The following RTL9 variants were observed in gnomAD, a reference collection of about 807,000 sequenced individuals.
RTL9 encodes the protein retrotransposon Gag like 9.
RTL9 carries 19 observed loss-of-function variants against 44.7 expected under a neutral mutation model. The observed-to-expected ratio is 0.42, with a 90% CI of 0.30 to 0.62. RTL9 has a LOEUF of 0.62. RTL9 is among the 20% of genes least tolerant of loss of function. RTL9 has a pLI of 0.16. For missense variants in RTL9, 1,105 were observed against 1,080.6 expected (o/e 1.02, Z -0.32); for synonymous variants, 407 against 398.9 (o/e 1.02, Z -0.24).
intron 1 of RTL9, among the ~76,000 whole-genome samples, chrX:110,432,755 C>G (rs766977507): frequency 8.9e-6 from 1 of 112,359 alleles, no homozygotes; most frequent in South Asian, 3.7e-4. Context: ...CAAGTCCCTG[C>G]TCTCTCTTTC....
chrX:110,372,254 G>A (rs183995696), intron 1 of RTL9, among the ~76,000 whole-genome samples: 23 of 112,537 alleles, frequency 2.0e-4, no homozygotes, highest in Admixed American at 1.7e-3. Flanking sequence ...TAAAATCAAG[G>A]AAGGAGGATA....
chrX:110,407,281 C>T (rs1454528389), intron 1 of RTL9, among the ~76,000 whole-genome samples: 1 of 111,845 alleles, frequency 8.9e-6, no homozygotes, highest in East Asian at 2.8e-4. Context: ...TGAAGAGAGT[C>T]CTTGAGATTT....
intron 1 of RTL9, among the ~76,000 whole-genome samples, chrX:110,437,771 C>T (rs371346407): frequency 9.0e-6 from 1 of 111,511 alleles, no homozygotes; most frequent in Non-Finnish European, 1.9e-5. Context: ...GACCTACTCT[C>T]TCTGGGCTGA....
exon 1 of RTL9, chrX:110,452,930 A>G (rs2068954480): frequency 5.8e-6 from 7 of 1,211,878 alleles, no homozygotes; most frequent in Non-Finnish European, 7.8e-6. Flanking sequence ...CCACACCACT[A>G]ATGAGAACCT....
chrX:110,393,706 G>C (rs767607258), intron 1 of RTL9, among the ~76,000 whole-genome samples: 2 of 111,991 alleles, frequency 1.8e-5, no homozygotes, highest in Non-Finnish European at 3.8e-5. Context: ...ACATTGTTTT[G>C]TTCAAAGCCA....
At chrX:110,392,787 A>C (rs1220676032) in intron 1 of RTL9, among the ~76,000 whole-genome samples, 1 of 112,143 alleles carries the variant, frequency 8.9e-6, no homozygotes, top group Admixed American at 9.4e-5. Context: ...TTGATCATTT[A>C]CACCCTTTAG....
chrX:110,405,093 C>A (rs772955322), intron 1 of RTL9, among the ~76,000 whole-genome samples: 3 of 99,441 alleles, frequency 3.0e-5, no homozygotes, highest in East Asian at 6.7e-4. Flanking sequence ...TTGTGTCCCC[C>A]CCCCCCCCAA....
At chrX:110,384,147 T>C (rs2068438942) in intron 1 of RTL9, among the ~76,000 whole-genome samples, 1 of 111,753 alleles carries the variant, frequency 8.9e-6, no homozygotes, top group African/African-American at 3.3e-5. Flanking sequence ...TACTTAACTT[T>C]TGCTGTGTCT....
chrX:110,391,941 A>G (rs1471537272), intron 1 of RTL9, among the ~76,000 whole-genome samples: 1 of 112,498 alleles, frequency 8.9e-6, no homozygotes, highest in Non-Finnish European at 1.9e-5. Context: ...TTCTCCTCTG[A>G]TGAACAATTA....
chrX:110,428,706 T>G (rs2068772639), intron 1 of RTL9, among the ~76,000 whole-genome samples: 1 of 111,330 alleles, frequency 9.0e-6, no homozygotes, highest in South Asian at 3.8e-4. Flanking sequence ...AATATCAAAG[T>G]GGAATTCCAG....
At chrX:110,402,105 C>T (rs2068569353) in intron 1 of RTL9, among the ~76,000 whole-genome samples, 1 of 112,382 alleles carries the variant, frequency 8.9e-6, no homozygotes, top group Admixed American at 9.4e-5. Context: ...CAGATAATCT[C>T]TCTTGATATC....
At chrX:110,376,478 T>A (rs2068377438) in intron 1 of RTL9, among the ~76,000 whole-genome samples, 1 of 111,474 alleles carries the variant, frequency 9.0e-6, no homozygotes, top group Non-Finnish European at 1.9e-5. Flanking sequence ...TAAGGGAGCA[T>A]CCCAAGGTAG....
upstream of RTL9, chrX:110,418,967 T>A: frequency 9.3e-6 from 1 of 107,943 alleles, no homozygotes; most frequent in African/African-American, 3.3e-5. Context: ...GTGCATTGCC[T>A]ATGACTCACC....
intron 1 of RTL9, among the ~76,000 whole-genome samples, chrX:110,391,589 G>A (rs771577426): frequency 3.1e-4 from 35 of 112,011 alleles, no homozygotes; most frequent in African/African-American, 8.4e-4. Context: ...TGGCAGAACC[G>A]TTTTAGGAAT....
chrX:110,407,883 G>A (rs937333129), intron 1 of RTL9, among the ~76,000 whole-genome samples: 2 of 112,750 alleles, frequency 1.8e-5, no homozygotes, highest in Admixed American at 9.3e-5. Context: ...CAGGGTTCTG[G>A]TGAGGCACAA....
intron 1 of RTL9, among the ~76,000 whole-genome samples, chrX:110,382,164 A>G (rs1339580696): frequency 8.9e-6 from 1 of 111,892 alleles, no homozygotes; most frequent in Non-Finnish European, 1.9e-5. Context: ...TTGTTTTTCA[A>G]TACTTTAGTG....
chrX:110,369,744 A>T (rs2068324573), intron 1 of RTL9, among the ~76,000 whole-genome samples: 1 of 111,918 alleles, frequency 8.9e-6, no homozygotes, highest in Non-Finnish European at 1.9e-5. Flanking sequence ...CATGTGTATA[A>T]TTCATTTTTA....
intron 1 of RTL9, among the ~76,000 whole-genome samples, chrX:110,395,351 C>T (rs1000542869): frequency 8.9e-6 from 1 of 112,160 alleles, no homozygotes; most frequent in Admixed American, 9.4e-5. Context: ...TTTCCCTCTT[C>T]ACCAGGGCAG....
exon 1 of RTL9, chrX:110,451,912 C>T (rs1373591732): frequency 2.5e-6 from 3 of 1,210,210 alleles, no homozygotes; most frequent in Non-Finnish European, 3.4e-6. Context: ...AAGACAGTTC[C>T]AGCCTCTGGA....
Sources: allele counts gnomAD v4.1 joint callset (sites outside exome capture counted in the v4.1 genomes callset), GRCh38; gene constraint gnomAD v4.1.1; transcripts MANE v1.5; gene names NCBI Gene and HGNC (gene_info 2026-07-23, HGNC 2026-07-21).